Variants in NDC80 observed in about 807,000 individuals in gnomAD.
NDC80 encodes the protein NDC80 kinetochore complex component.
A neutral mutation model predicts 89.3 loss-of-function variants in NDC80; 69 were observed. That is an observed-to-expected ratio of 0.77 (90% CI 0.64 to 0.94). NDC80 has a LOEUF of 0.94. Among genes scored for constraint, NDC80 ranks in the 40% least tolerant of loss-of-function variants. The probability of loss-of-function intolerance (pLI) is 0.00; values close to 1 mark genes in which losing one functional copy is unlikely to be tolerated. For missense variants in NDC80, 593 were observed against 739.6 expected, an observed-to-expected ratio of 0.80 and a Z score of 2.30; for synonymous variants, 243 against 255.6, an observed-to-expected ratio of 0.95 and a Z score of 0.47.
intron 9 of NDC80, 43 bp downstream of exon 9, chr18:2,589,353 A>T: frequency 7.5e-7 from 1 of 1,340,418 alleles, no homozygotes; most frequent in Non-Finnish European, 1.1e-6. Flanking sequence ...GCTCTTTTAG[A>T]CTTTTGGGTG....
chr18:2,597,003 G>A (rs1262028514), intron 11 of NDC80, among the ~76,000 whole-genome samples: 5 of 151,882 alleles, frequency 3.3e-5, no homozygotes, highest in African/African-American at 7.3e-5. Context: ...AGGAAGGGGA[G>A]CATCACACTC....
intron 14 of NDC80, among the ~76,000 whole-genome samples, chr18:2,608,035 A>G (rs1326549022): frequency 2.3e-5 from 3 of 131,708 alleles, no homozygotes; most frequent in Admixed American, 8.1e-5. Context: ...TTTTTTCCCT[A>G]AATTTTCAAC....
chr18:2,610,986 A>G (rs544954007), intron 16 of NDC80, 125 bp downstream of exon 16: 24 of 489,414 alleles, frequency 4.9e-5, no homozygotes, highest in African/African-American at 4.5e-4. Context: ...TCTGGCAAAA[A>G]TTTATCAGAA....
At chr18:2,608,587 C>G in intron 14 of NDC80, 113 bp from the exon 15 acceptor site, 1 of 1,159,904 alleles carries the variant, frequency 8.6e-7, no homozygotes. Flanking sequence ...CTTGAGAATA[C>G]AAATGATGCA....
At chr18:2,593,856 A>G in intron 10 of NDC80, 1 of 296,106 alleles carries the variant, frequency 3.4e-6, no homozygotes, top group Non-Finnish European at 6.7e-6. Flanking sequence ...AATTCTGACC[A>G]CCACCTTTTT....
At chr18:2,604,981 G>A (rs148429652) in intron 13 of NDC80, among the ~76,000 whole-genome samples, 27 of 152,214 alleles carry the variant, frequency 1.8e-4, no homozygotes, top group African/African-American at 6.3e-4. Flanking sequence ...ATAGTAAATG[G>A]TAGGGACCCA....
intron 14 of NDC80, among the ~76,000 whole-genome samples, chr18:2,607,713 G>C (rs1254278052): frequency 6.6e-6 from 1 of 151,494 alleles, no homozygotes; most frequent in African/African-American, 2.4e-5. Context: ...AAACAATAGA[G>C]ACTCGAGAGA....
intron 6 of NDC80, 70 bp from the exon 7 acceptor site, chr18:2,585,043 C>A: frequency 1.7e-6 from 2 of 1,195,318 alleles, no homozygotes; most frequent in Non-Finnish European, 2.5e-6. Flanking sequence ...ACACTGAAAA[C>A]AGAATTTGCC....
At chr18:2,588,065 G>A (rs372017336) in intron 8 of NDC80, 142 bp downstream of exon 8, 268 of 611,784 alleles carry the variant, frequency 4.4e-4, no homozygotes, top group African/African-American at 4.4e-3. Context: ...TATCTTTGTG[G>A]TTTCTTTGGT....
At chr18:2,585,311 T>A in intron 7 of NDC80, 109 bp downstream of exon 7, 1 of 780,048 alleles carries the variant, frequency 1.3e-6, no homozygotes. Context: ...ATAAACCGAC[T>A]GTAAGGTGAA....
In NDC80 at chr18:2,599,564, C is replaced by G. The variant is rs189287744; in HGVS notation, c.1374+393C>G. ...TGGAATGAAATCTTGAAAGATGAGACATATATGGGAAGGGTCTGTAGAAAG... is the reference window on the plus strand; with the variant it reads ...TGGAATGAAATCTTGAAAGATGAGAGATATATGGGAAGGGTCTGTAGAAAG... On this transcript the variant is annotated intron_variant, in intron 12 of 16. Transcript: ENST00000261597. Among the ~76,000 whole-genome samples, 4 of 152,166 alleles carry G rather than the reference C, an allele frequency of 2.6e-5. No individual in the cohort carries two copies. The East Asian group carries it at 7.7e-4, about 29-fold the overall frequency.
rs747925850 is a variant in NDC80, at chr18:2,590,162, G to C, written c.1015G>C (p.Glu339Gln). The change falls in exon 10 of 17, where the codon GAA (glutamate) becomes CAA (glutamine). Residue 339 changes from glutamate to glutamine, a missense_variant and splice_region_variant. Physicochemically the swap from Glu to Gln is conservative, Grantham distance 29. Coordinates refer to ENST00000261597, the MANE Select transcript of NDC80 (RefSeq NM_006101.3). Reference sequence around the variant, plus strand: ...TCTCAATGAGGAAATTGCTAGAGTAGGTAAGCAGAGCTAATGCTAAAAGAC... The same window carrying C: ...TCTCAATGAGGAAATTGCTAGAGTACGTAAGCAGAGCTAATGCTAAAAGAC... ...NGLNEEIARV[E>Q]LECETIKQEN... is the part of the protein sequence containing the mutation. The C allele has an allele frequency of 5.7e-6, 9 of 1,586,630 alleles. No homozygotes were observed.
intron 13 of NDC80, 93 bp from the exon 14 acceptor site, chr18:2,606,322 A>G (rs2072711243): frequency 2.8e-6 from 2 of 705,162 alleles, no homozygotes; most frequent in Admixed American, 6.3e-5. Flanking sequence ...AACATTGTTC[A>G]GTTAGTTGAT....
rs558403400 is a variant in NDC80 at position 2,591,653 on chromosome 18, C to T, written c.1015+1491C>T. On this transcript the variant is annotated intron_variant, in intron 10 of 16. Transcript: ENST00000261597. ...CTCTTTAAATATATTAACTACTTTA[C>T]ACTTGGCCCCTAATCAATGTCCTTT... 8.6e-5 allele frequency among the ~76,000 whole-genome samples: 13 copies of T among 151,714 alleles called. No homozygotes were observed. In the East Asian group the frequency reaches 2.5e-3, roughly 29 times the overall value.
intron 10 of NDC80, among the ~76,000 whole-genome samples, chr18:2,592,350 T>C (rs2072631753): frequency 6.7e-6 from 1 of 149,546 alleles, no homozygotes; most frequent in Non-Finnish European, 1.5e-5. Flanking sequence ...TTGTTTTTGT[T>C]TTATTTTGTT....
At chr18:2,612,667 G>T (rs771829372) in intron 16 of NDC80, among the ~76,000 whole-genome samples, 1 of 152,180 alleles carries the variant, frequency 6.6e-6, no homozygotes, top group Non-Finnish European at 1.5e-5. Flanking sequence ...TTTGTGTGAA[G>T]TAATCACAGT....
chr18:2,616,414 C>T, intron 16 of NDC80, 23 bp from the exon 17 acceptor site: 1 of 1,397,056 alleles, frequency 7.2e-7, no homozygotes, highest in Non-Finnish European at 9.6e-7. Context: ...TTTACTTTAA[C>T]AATTGTTAAT....
rs2072649956 is a variant in NDC80, at chr18:2,595,482, A to G, written c.1082A>G (p.Tyr361Cys). 2 of 1,613,798 alleles carry G rather than the reference A, an allele frequency of 1.2e-6. No homozygotes were observed. Among genetic ancestry groups the G allele is most frequent in the Non-Finnish European group, 1.7e-6 (2 of 1,179,750 alleles). ...CAGAATATCATTGACAACCAGAAGT[A>G]CTCAGTTGCAGACATTGAGCGAATA... The part of the protein sequence containing the change: ...RLQNIIDNQK[Y>C]SVADIERINH... Residue 361 changes from tyrosine (Y) to cysteine (C), a missense_variant, in exon 11 of 17, where the codon TAC (tyrosine) becomes TGC (cysteine). By Grantham distance (194) the Tyr-to-Cys change is radical. Transcript: ENST00000261597.
intron 6 of NDC80, among the ~76,000 whole-genome samples, chr18:2,580,701 T>G (rs893968719): frequency 1.3e-5 from 2 of 150,930 alleles, no homozygotes; most frequent in Admixed American, 1.3e-4. Context: ...CATGGACATT[T>G]GATAACTACT....
Sources: allele counts gnomAD v4.1 joint callset (sites outside exome capture counted in the v4.1 genomes callset), GRCh38; gene constraint gnomAD v4.1.1; transcripts MANE v1.5; gene names NCBI Gene and HGNC (gene_info 2026-07-23, HGNC 2026-07-21).